Variants in NRG1 observed in about 807,000 individuals in gnomAD.
The protein encoded by NRG1 is neuregulin 1, also known as pro-neuregulin-1, membrane-bound isoform.
In NRG1, 18 loss-of-function variants were observed where a neutral mutation model predicts 63.8. That is an observed-to-expected ratio of 0.28 (90% confidence interval 0.19 to 0.42). The LOEUF is 0.42. Ranked by LOEUF, NRG1 falls within the 10% of genes least tolerant of loss-of-function variation. NRG1 has a pLI of 1.00. For missense variants in NRG1, 762 were observed against 814.7 expected (o/e 0.94, Z 0.79); for synonymous variants, 302 against 301.3 (o/e 1.00, Z -0.02).
intron 7 of NRG1, chr8:32,749,651 C>T: frequency 6.8e-7 from 1 of 1,481,170 alleles, no homozygotes; most frequent in Non-Finnish European, 9.3e-7. Context: ...ATCTTTTTCC[C>T]TTCCTACTCT....
chr8:32,607,568 C>G (rs1845478627), intron 3 of NRG1, among the ~76,000 whole-genome samples: 1 of 152,030 alleles, frequency 6.6e-6, no homozygotes, highest in African/African-American at 2.4e-5. Context: ...TGGCAAAAAC[C>G]CATAGAATTC....
At position 31,686,612 on chromosome 8, in the gene NRG1, G is replaced by A. The variant is rs114895613; in HGVS notation, c.37+47181G>A. Among the ~76,000 whole-genome samples, 336 of 152,124 alleles carry A rather than the reference G, an allele frequency of 2.2e-3. 2 individuals are homozygous for A. The highest frequency in any genetic ancestry group is 7.7e-3 in the African/African-American group (320 of 41,506). On this transcript the variant is annotated intron_variant, in intron 1 of 10. Transcript: ENST00000519301. ...TTAATATTTTAAAGTTTTAGGAAGG[G>A]CTACTTTTTATATAATGAGATTTTA...
intron 1 of NRG1, among the ~76,000 whole-genome samples, chr8:32,314,098 T>G (rs111248910): frequency 0.022 from 3,311 of 152,090 alleles, 113 homozygotes; most frequent in African/African-American, 0.076. Flanking sequence ...GATTAATAAA[T>G]CCTTACCTCT....
At chr8:32,747,092 A>G (rs73675557) in intron 7 of NRG1, among the ~76,000 whole-genome samples, 1,531 of 152,190 alleles carry the variant, frequency 0.01, 21 homozygotes, top group African/African-American at 0.035. Flanking sequence ...CCGTGAAATG[A>G]AATTATAGTT....
chr8:32,028,387 A>G (rs1817783829), intron 1 of NRG1, among the ~76,000 whole-genome samples: 1 of 152,210 alleles, frequency 6.6e-6, no homozygotes, highest in African/African-American at 2.4e-5. Context: ...TGTAAGGATG[A>G]ATGTGACCTA....
At chr8:32,213,263 C>A (rs1844869997) in intron 1 of NRG1, among the ~76,000 whole-genome samples, 1 of 152,134 alleles carries the variant, frequency 6.6e-6, no homozygotes, top group Non-Finnish European at 1.5e-5. Flanking sequence ...ACATATACAC[C>A]ATGGAATACT....
At chr8:32,700,754 A>G (rs1004702334) in intron 5 of NRG1, among the ~76,000 whole-genome samples, 3 of 152,214 alleles carry the variant, frequency 2.0e-5, no homozygotes, top group African/African-American at 7.2e-5. Context: ...AGTATATGTA[A>G]TTCATGTGAG....
chr8:32,749,739 A>G, intron 7 of NRG1: 1 of 704,230 alleles, frequency 1.4e-6, no homozygotes, highest in Non-Finnish European at 2.4e-6. Flanking sequence ...TCTGCCTTCA[A>G]TCTATGATTA....
intron 1 of NRG1, among the ~76,000 whole-genome samples, chr8:32,463,964 C>T (rs1822713791): frequency 7.6e-6 from 1 of 130,736 alleles, no homozygotes; most frequent in Non-Finnish European, 1.6e-5. Context: ...GCGATCTTGG[C>T]TCACTGCAAC....
At position 32,605,660 on chromosome 8, in the gene NRG1, A is replaced by G. The variant is rs200936130; in HGVS notation, c.377A>G (p.Asn126Ser). The G allele has an allele frequency of 2.5e-6, 4 of 1,613,324 alleles. No homozygotes were observed. In the East Asian group the frequency reaches 6.7e-5, roughly 27 times the overall value. Residue 126 changes from asparagine to serine, a missense_variant, in exon 3 of 12, where the codon AAT (asparagine) becomes AGT (serine). Physicochemically the swap from Asn to Ser is conservative, Grantham distance 46 (BLOSUM62 1). Coordinates refer to ENST00000356819, the Ensembl canonical transcript of NRG1. ...TTAGGAAATGACAGTGCCTCTGCCA[A>G]TATCACCATCGTGGAATCAAACGGT...
intron 1 of NRG1, among the ~76,000 whole-genome samples, chr8:32,276,895 C>T (rs1261293069): frequency 1.3e-5 from 2 of 152,152 alleles, no homozygotes; most frequent in Non-Finnish European, 2.9e-5. Context: ...GGTGGGACAG[C>T]CACAACGAAT....
intron 1 of NRG1, among the ~76,000 whole-genome samples, chr8:32,452,991 G>A (rs1754556205): frequency 6.6e-6 from 1 of 152,074 alleles, no homozygotes; most frequent in African/African-American, 2.4e-5. Flanking sequence ...ATTTTAGAAT[G>A]CCACTCTCCA....
intron 1 of NRG1, among the ~76,000 whole-genome samples, chr8:31,641,029 C>T (rs1322489858): frequency 2.0e-5 from 3 of 152,172 alleles, no homozygotes; most frequent in African/African-American, 7.2e-5. Context: ...GTGCCGGCTG[C>T]TTTCTTGTGG....
At position 32,708,120 on chromosome 8, in the gene NRG1, C is replaced by G. The variant is rs188467267; in HGVS notation, c.503-19829C>G. Among the ~76,000 whole-genome samples, 286 of 152,034 alleles carry G rather than the reference C, an allele frequency of 1.9e-3. 1 individual carries two copies. The highest frequency in any genetic ancestry group is 0.013 in the Admixed American group (193 of 15,276). On this transcript the variant is annotated intron_variant, in intron 5 of 11. Transcript: ENST00000356819. ...AGACTCCTAATTAAGTTTTCCTTTCCTAACTTATATTATCTTATGATGATC... is the reference window on the plus strand; with the variant it reads ...AGACTCCTAATTAAGTTTTCCTTTCGTAACTTATATTATCTTATGATGATC...
In NRG1 at chr8:32,504,158, T is replaced by C. The variant is rs537344124; in HGVS notation, c.38-91670T>C. Among the ~76,000 whole-genome samples, 13 of 152,266 alleles carry C rather than the reference T, an allele frequency of 8.5e-5. No homozygotes were observed. In the East Asian group the frequency reaches 2.1e-3, roughly 25 times the overall value. ...TTAGCCGGAAGCTGCTGATCAGCAG[T>C]TTCAGGCTCTTCCTATCTGTTGGGA... On this transcript the variant is annotated intron_variant, in intron 1 of 10. Coordinates refer to the NRG1 transcript ENST00000519301.
chr8:32,518,333 T>G (rs953776533), intron 1 of NRG1, among the ~76,000 whole-genome samples: 1 of 152,134 alleles, frequency 6.6e-6, no homozygotes, highest in African/African-American at 2.4e-5. Flanking sequence ...CAGCAAATCT[T>G]CAAAAGCCCA....
At chr8:32,175,105 C>A (rs2132048050) in intron 1 of NRG1, among the ~76,000 whole-genome samples, 1 of 152,248 alleles carries the variant, frequency 6.6e-6, no homozygotes, top group East Asian at 1.9e-4. Context: ...AAACTGAATC[C>A]AGCAGCACAT....
intron 1 of NRG1, among the ~76,000 whole-genome samples, chr8:31,878,691 G>C (rs1830112430): frequency 6.6e-6 from 1 of 152,116 alleles, no homozygotes; most frequent in African/African-American, 2.4e-5. Context: ...AGATTGGCTG[G>C]GAAAGGATCT....
chr8:32,052,567 G>A (rs1043902999), intron 1 of NRG1, among the ~76,000 whole-genome samples: 6 of 152,056 alleles, frequency 3.9e-5, no homozygotes, highest in African/African-American at 9.7e-5. Flanking sequence ...AGTTTAGGAC[G>A]TATTCACCTT....
Sources: gnomAD v4.1 joint callset for allele counts (sites outside exome capture counted in the v4.1 genomes callset) on GRCh38, gnomAD v4.1.1 for gene constraint, MANE v1.5 for transcripts, NCBI Gene and HGNC (gene_info 2026-07-23, HGNC 2026-07-21) for gene names.